The following PLXNA4 variants were observed in gnomAD, a reference collection of about 807,000 sequenced individuals.
The protein encoded by PLXNA4 is plexin A4, also known as plexin-A4.
In PLXNA4, 44 loss-of-function variants were observed where a neutral mutation model predicts 191.8. That is an observed-to-expected ratio of 0.23 (90% CI 0.18 to 0.29). The LOEUF is 0.29. Ranked by LOEUF, PLXNA4 falls within the 10% of genes least tolerant of loss-of-function variation. PLXNA4 has a pLI of 1.00. For synonymous variants in PLXNA4, 1,082 were observed against 1,009.5 expected (o/e 1.07, Z -1.36); for missense variants, 1,800 against 2,488.8 (o/e 0.72, Z 5.89).
chr7:132,213,220 A>G (rs1182040823), intron 9 of PLXNA4, among the ~76,000 whole-genome samples: 1 of 152,230 alleles, frequency 6.6e-6, no homozygotes, highest in Admixed American at 6.5e-5. Flanking sequence ...GACAGAAAGT[A>G]GAATGGTGAT....
At position 132,179,897 on chromosome 7, in the gene PLXNA4, A is replaced by AT; in HGVS notation, c.3663_3664insA (p.Ser1222IlefsTer40). 1 of 1,610,152 alleles carries AT rather than the reference A, an allele frequency of 6.2e-7. No homozygotes were observed. Among genetic ancestry groups the AT allele is most frequent in the South Asian group, 1.1e-5 (1 of 90,820 alleles). Reference sequence around the variant, plus strand: ...GGGGCAATGTACACCATCCCCGGGGAGTACTCCATGCCACCGACACGGGCC... The same window carrying AT: ...GGGGCAATGTACACCATCCCCGGGGATGTACTCCATGCCACCGACACGGGCC... On this transcript the variant is annotated frameshift_variant, in exon 20 of 32. Coordinates refer to ENST00000321063, the MANE Select transcript of PLXNA4 (RefSeq NM_020911.2). LOFTEE classifies it high-confidence loss of function.
chr7:132,185,573 T>C, intron 15 of PLXNA4, 110 bp from the exon 16 acceptor site: 1 of 1,443,112 alleles, frequency 6.9e-7, no homozygotes, highest in Non-Finnish European at 9.2e-7. Flanking sequence ...TCAGAGGCCA[T>C]GGGTGGGTGC....
chr7:132,208,823 T>C (rs959467326), intron 10 of PLXNA4, among the ~76,000 whole-genome samples: 1 of 152,178 alleles, frequency 6.6e-6, no homozygotes, highest in African/African-American at 2.4e-5. Flanking sequence ...AGGTACCCCA[T>C]GGGGACACCA....
At chr7:132,313,655 T>A (rs1801833784) in intron 3 of PLXNA4, among the ~76,000 whole-genome samples, 1 of 152,046 alleles carries the variant, frequency 6.6e-6, no homozygotes, top group Non-Finnish European at 1.5e-5. Context: ...CGATTGACTG[T>A]CTCATTGTTT....
In PLXNA4 at chr7:132,501,328, G is replaced by A. The variant is rs1585232189; in HGVS notation, c.1188+6178C>T. Reference sequence around the variant, plus strand: ...GGGTGTGTGCACATGGGTGTGCTATGGGTGTGTACGCCACTGTGCTCGGGC... The same window carrying A: ...GGGTGTGTGCACATGGGTGTGCTATAGGTGTGTACGCCACTGTGCTCGGGC... On this transcript the variant is annotated intron_variant, in intron 2 of 31. Coordinates refer to ENST00000321063, the MANE Select transcript of PLXNA4 (RefSeq NM_020911.2). Among the ~76,000 whole-genome samples, 2 of 152,200 alleles carry A rather than the reference G, an allele frequency of 1.3e-5. 1 individual carries two copies. Among genetic ancestry groups the A allele is most frequent in the East Asian group, 3.9e-4 (2 of 5,188 alleles).
chr7:132,191,690 C>G (rs1797091459), intron 14 of PLXNA4, among the ~76,000 whole-genome samples: 1 of 152,002 alleles, frequency 6.6e-6, no homozygotes, highest in Admixed American at 6.6e-5. Context: ...TCCCGTTTTA[C>G]TTTGGCTGCC....
chr7:132,457,375 A>C (rs116398244), intron 3 of PLXNA4, among the ~76,000 whole-genome samples: 2,665 of 152,332 alleles, frequency 0.017, 25 homozygotes, highest in Middle Eastern at 0.054. Flanking sequence ...AACACATCTT[A>C]AGTCATCTCT....
chr7:132,254,929 G>A lies in PLXNA4; in HGVS notation c.1504-13763C>T, dbSNP rs78372625. 4.0e-3 allele frequency among the ~76,000 whole-genome samples: 610 copies of A among 152,272 alleles called. 11 individuals carry two copies. The East Asian group carries it at 0.068, about 17-fold the overall frequency. ...TTCAGTGAGCTCAGAAATAATTGCT[G>A]GCCCTGGGGTGGAGATGGGGTAGGA... On this transcript the variant is annotated intron_variant, in intron 4 of 31. Coordinates refer to ENST00000321063, the MANE Select transcript of PLXNA4 (RefSeq NM_020911.2).
chr7:132,438,328 G>A (rs931658751), intron 3 of PLXNA4, among the ~76,000 whole-genome samples: 6 of 152,270 alleles, frequency 3.9e-5, no homozygotes, highest in African/African-American at 1.2e-4. Context: ...GATAAAGCAC[G>A]GGACATAGGG....
intron 5 of PLXNA4, among the ~76,000 whole-genome samples, chr7:132,234,596 T>TTGTGTGTGTGTGTGTGTGTGTGTG (rs60249306): frequency 6.9e-6 from 1 of 144,156 alleles, no homozygotes; most frequent in East Asian, 2.1e-4. Context: ...AGCATGTGTT[T>TTGTGTGTGTGTGTGTGTGTGTGTG]TGTGTGTGTG....
intron 2 of PLXNA4, among the ~76,000 whole-genome samples, chr7:132,633,605 G>C (rs1803536099): frequency 1.3e-5 from 2 of 152,106 alleles, no homozygotes; most frequent in South Asian, 4.1e-4. Context: ...TGTGCAGATT[G>C]TTCCTTTCTC....
chr7:132,151,294 GAAGAAGGAGGAGGAA>G (rs1795597398), intron 25 of PLXNA4, among the ~76,000 whole-genome samples: 1 of 46,360 alleles, frequency 2.2e-5, no homozygotes, highest in East Asian at 1.1e-3. Flanking sequence ...GGAGGAGGAA[GAAGAAGGAGGAGGAA>G]GAAGGAGGAG....
intron 3 of PLXNA4, among the ~76,000 whole-genome samples, chr7:132,380,239 A>G (rs1005375429): frequency 7.2e-5 from 11 of 152,332 alleles, no homozygotes; most frequent in African/African-American, 2.4e-4. Context: ...AACTCCCTGT[A>G]GAGAGCAGCC....
intron 3 of PLXNA4, among the ~76,000 whole-genome samples, chr7:132,402,720 G>C (rs1278893169): frequency 6.6e-6 from 1 of 152,192 alleles, no homozygotes; most frequent in Non-Finnish European, 1.5e-5. Flanking sequence ...GGATCAATCA[G>C]GTTTAACAAG....
At chr7:132,398,037 T>TC (rs1448141089) in intron 3 of PLXNA4, among the ~76,000 whole-genome samples, 2 of 152,116 alleles carry the variant, frequency 1.3e-5, no homozygotes, top group African/African-American at 2.4e-5. Flanking sequence ...GAATGCCAAG[T>TC]CCCATGCCTG....
intron 2 of PLXNA4, among the ~76,000 whole-genome samples, chr7:132,626,010 G>A (rs545289618): frequency 6.6e-6 from 1 of 152,098 alleles, no homozygotes. Context: ...CCCCTCACAG[G>A]CCTCTCTATT....
At chr7:132,216,768 G>A (rs747912967) in intron 9 of PLXNA4, among the ~76,000 whole-genome samples, 4 of 152,182 alleles carry the variant, frequency 2.6e-5, no homozygotes, top group Non-Finnish European at 5.9e-5. Flanking sequence ...GCAATGATGA[G>A]CACAGTATTT....
chr7:132,597,764 A>T (rs1475898883), intron 2 of PLXNA4, among the ~76,000 whole-genome samples: 7 of 152,158 alleles, frequency 4.6e-5, no homozygotes, highest in Non-Finnish European at 1.0e-4. Flanking sequence ...TTACATACAT[A>T]TATAATGTCA....
In PLXNA4 at chr7:132,133,031, G is replaced by A. The variant is rs531834347; in HGVS notation, c.5589+18C>T. On this transcript the variant is annotated intron_variant, in intron 31 of 31. Coordinates refer to ENST00000321063, the MANE Select transcript of PLXNA4 (RefSeq NM_020911.2). ...TCCCCCTTCCATCCCAATGGGCCTG[G>A]AGCAGGGCAAAGCTTACCTCCTCGC... is the stretch of plus-strand genomic sequence containing the variant. 2 of 1,611,278 alleles carry A rather than the reference G, an allele frequency of 1.2e-6. No individual in the cohort carries two copies. Among genetic ancestry groups the A allele is most frequent in the South Asian group, 2.2e-5 (2 of 90,468 alleles).
Sources: allele counts gnomAD v4.1 joint callset (sites outside exome capture counted in the v4.1 genomes callset), GRCh38; gene constraint gnomAD v4.1.1; transcripts MANE v1.5; gene names NCBI Gene and HGNC (gene_info 2026-07-23, HGNC 2026-07-21).